PRDM16: variants seen among roughly 807,000 people sequenced by gnomAD.
PRDM16 encodes the protein PR/SET domain 16.
PRDM16 carries 23 observed loss-of-function variants against 110.6 expected under a neutral mutation model. The observed-to-expected ratio is 0.21, with a 90% CI of 0.15 to 0.29. PRDM16 has a LOEUF of 0.29. Among genes scored for constraint, PRDM16 ranks in the 10% least tolerant of loss-of-function variants. PRDM16 has a pLI of 1.00. For missense variants in PRDM16, 1,615 were observed against 1,794.3 expected (o/e 0.90, Z 1.81); for synonymous variants, 799 against 781.8 (o/e 1.02, Z -0.37).
chr1:3,292,484 A>G (rs1037065145), intron 3 of PRDM16, among the ~76,000 whole-genome samples: 4 of 152,122 alleles, frequency 2.6e-5, no homozygotes, highest in African/African-American at 2.4e-5. Flanking sequence ...CTGCGCCTCT[A>G]TCTGGGGCCG....
chr1:3,218,299 C>G (rs978840673), intron 2 of PRDM16, among the ~76,000 whole-genome samples: 3 of 152,338 alleles, frequency 2.0e-5, no homozygotes, highest in Admixed American at 2.0e-4. Flanking sequence ...AAGAAAAAAC[C>G]CAGCAGAAAG....
intron 1 of PRDM16, among the ~76,000 whole-genome samples, chr1:3,130,488 A>T (rs1347075473): frequency 6.6e-6 from 1 of 152,168 alleles, no homozygotes; most frequent in East Asian, 1.9e-4. Flanking sequence ...TTGGCCCCAG[A>T]GGCCGTCTCC....
At chr1:3,227,051 T>C (rs750514657) in intron 2 of PRDM16, among the ~76,000 whole-genome samples, 3 of 152,264 alleles carry the variant, frequency 2.0e-5, no homozygotes, top group African/African-American at 7.2e-5. Flanking sequence ...GGCTAATAAC[T>C]GTCAGCAATG....
rs369972213 is a variant in PRDM16, at chr1:3,402,915, G to A, written c.801G>A (p.Glu267=). 7.9e-5 allele frequency: 127 copies of A among 1,612,872 alleles called. No individual in the cohort carries two copies. The highest frequency in any genetic ancestry group is 1.0e-4 in the Non-Finnish European group (119 of 1,179,986). Residue 267 remains glutamate (E), a synonymous_variant, in exon 6 of 17, where the codon GAG becomes GAA. Transcript: ENST00000270722. ...GAALYEGLAE[E]LKPEGLGGGS... ...CGCTCTACGAGGGCCTGGCTGAGGA[G>A]CTCAAGCCCGAGGGCCTTGGCGGTG...
At chr1:3,270,664 A>AGGAGGACAGTCGCAGAGGAGGACAGTCGG in intron 3 of PRDM16, among the ~76,000 whole-genome samples, 2 of 80,078 alleles carry the variant, frequency 2.5e-5, no homozygotes, top group Admixed American at 3.0e-4. Context: ...AACAGTCAGG[A>AGGAGGACAGTCGCAGAGGAGGACAGTCGG]GGAGGACAGT....
At chr1:3,304,313 G>T (rs1557593488) in intron 3 of PRDM16, among the ~76,000 whole-genome samples, 1 of 152,204 alleles carries the variant, frequency 6.6e-6, no homozygotes, top group Non-Finnish European at 1.5e-5. Context: ...CTGCAGTCCT[G>T]GTTGGTCATA....
At chr1:3,335,460 T>A (rs1358684689) in intron 3 of PRDM16, among the ~76,000 whole-genome samples, 1 of 152,206 alleles carries the variant, frequency 6.6e-6, no homozygotes, top group African/African-American at 2.4e-5. Flanking sequence ...GCACGTCGCA[T>A]GTCCGAAAGC....
intron 2 of PRDM16, among the ~76,000 whole-genome samples, chr1:3,228,689 G>A (rs983624092): frequency 2.6e-5 from 4 of 152,254 alleles, no homozygotes; most frequent in East Asian, 1.9e-4. Flanking sequence ...GGGGCTCCTC[G>A]CCATGGCCCA....
chr1:3,428,080 C>T (rs1193267237), intron 14 of PRDM16, among the ~76,000 whole-genome samples: 1 of 152,194 alleles, frequency 6.6e-6, no homozygotes, highest in African/African-American at 2.4e-5. Flanking sequence ...GCATCCTTGC[C>T]GGGGTGGGCC....
At chr1:3,211,957 AAG>A (rs1302302403) in intron 2 of PRDM16, among the ~76,000 whole-genome samples, 2 of 152,318 alleles carry the variant, frequency 1.3e-5, no homozygotes, top group African/African-American at 2.4e-5. Context: ...GGAGACATGA[AAG>A]AGGGGACAAT....
chr1:3,180,937 C>T (rs1644147158), intron 1 of PRDM16, among the ~76,000 whole-genome samples: 1 of 150,368 alleles, frequency 6.7e-6, no homozygotes. Context: ...CGCAGCCACA[C>T]ACGCAGCCTT....
intron 1 of PRDM16, among the ~76,000 whole-genome samples, chr1:3,088,546 AG>A (rs1388148248): frequency 6.7e-6 from 1 of 148,774 alleles, no homozygotes; most frequent in Non-Finnish European, 1.5e-5. Flanking sequence ...GCTCACTGCA[AG>A]CTCCGCCTCC....
At chr1:3,090,905 G>A (rs1383792265) in intron 1 of PRDM16, among the ~76,000 whole-genome samples, 1 of 152,188 alleles carries the variant, frequency 6.6e-6, no homozygotes, top group African/African-American at 2.4e-5. Flanking sequence ...CTGCTTCAGA[G>A]GCACACAGGC....
chr1:3,281,698 T>C (rs1220865387), intron 3 of PRDM16, among the ~76,000 whole-genome samples: 2 of 152,224 alleles, frequency 1.3e-5, no homozygotes, highest in Non-Finnish European at 2.9e-5. Flanking sequence ...TATGACCAGA[T>C]TGATTGACTA....
chr1:3,348,062 C>G (rs962050420), intron 3 of PRDM16, among the ~76,000 whole-genome samples: 1 of 152,094 alleles, frequency 6.6e-6, no homozygotes, highest in African/African-American at 2.4e-5. Flanking sequence ...TGCCTCTGGT[C>G]GGAGCACGGG....
chr1:3,140,920 G>A (rs1364212900), intron 1 of PRDM16, among the ~76,000 whole-genome samples: 1 of 152,206 alleles, frequency 6.6e-6, no homozygotes, highest in Non-Finnish European at 1.5e-5. Context: ...GCAGGCGGTC[G>A]GAGAAGGGGC....
At chr1:3,326,058 C>CT (rs1641893960) in intron 3 of PRDM16, among the ~76,000 whole-genome samples, 2 of 66,540 alleles carry the variant, frequency 3.0e-5, no homozygotes, top group South Asian at 9.8e-4. Context: ...CCTCTTGGCC[C>CT]CCCTTGGCCA....
At chr1:3,180,971 G>A (rs1283026838) in intron 1 of PRDM16, among the ~76,000 whole-genome samples, 6 of 126,620 alleles carry the variant, frequency 4.7e-5, no homozygotes, top group East Asian at 5.9e-4. Context: ...TACACACTCG[G>A]TCTTACACAC....
chr1:3,223,194 C>T (rs1398562588), intron 2 of PRDM16, among the ~76,000 whole-genome samples: 1 of 147,664 alleles, frequency 6.8e-6, no homozygotes, highest in Non-Finnish European at 1.5e-5. Flanking sequence ...ACTGCAACCT[C>T]CGAAAATCAA....
Sources: allele counts gnomAD v4.1 joint callset (sites outside exome capture counted in the v4.1 genomes callset), GRCh38; gene constraint gnomAD v4.1.1; transcripts MANE v1.5; gene names NCBI Gene and HGNC (gene_info 2026-07-23, HGNC 2026-07-21).